FOXP2: variants seen among roughly 807,000 people sequenced by gnomAD.
FOXP2 encodes forkhead box P2.
Under a neutral mutation model 115.8 loss-of-function variants are expected in FOXP2, and 12 were observed. The observed-to-expected ratio is 0.10, with a 90% confidence interval of 0.07 to 0.17. The LOEUF (loss-of-function observed/expected upper bound fraction) is 0.17, where lower values mean the gene tolerates loss of function less well. Ranked by LOEUF, FOXP2 falls within the 10% of genes least tolerant of loss-of-function variation. The pLI is 1.00. For synonymous variants in FOXP2, 328 were observed against 297.7 expected, an observed-to-expected ratio of 1.10 and a Z score of -1.05; for missense variants, 629 against 843.5, an observed-to-expected ratio of 0.75 and a Z score of 3.15.
chr7:114,236,246 G>A (rs572597850), intron 1 of FOXP2, among the ~76,000 whole-genome samples: 11 of 152,290 alleles, frequency 7.2e-5, no homozygotes, highest in African/African-American at 2.4e-4. Flanking sequence ...CTTGCACAAT[G>A]TTTGTCAATT....
At chr7:114,381,313 G>C (rs560369377) in intron 2 of FOXP2, among the ~76,000 whole-genome samples, 1 of 152,314 alleles carries the variant, frequency 6.6e-6, no homozygotes, top group African/African-American at 2.4e-5. Flanking sequence ...TGTAGCCACA[G>C]GTAGTGAAGA....
At chr7:114,290,942 C>G (rs1243097687) in intron 2 of FOXP2, among the ~76,000 whole-genome samples, 2 of 151,992 alleles carry the variant, frequency 1.3e-5, no homozygotes, top group East Asian at 3.9e-4. Flanking sequence ...ATTTTATTTT[C>G]CATTATATTC....
In FOXP2 at chr7:114,663,436, A is replaced by AG; in HGVS notation, c.1770-14_1770-13insG. The AG allele has an allele frequency of 1.4e-6, 2 of 1,409,134 alleles. No homozygotes were observed. The highest frequency in any genetic ancestry group is 2.0e-6 in the Non-Finnish European group (2 of 1,009,324). 87.3% of individuals were successfully genotyped at this position (1,409,134 alleles called of 1,614,324 possible). A position where few individuals can be genotyped will look rare whatever the true frequency, so the allele number is the denominator to read the frequency against. On this transcript the variant is annotated splice_polypyrimidine_tract_variant and intron_variant, in intron 14 of 16. Coordinates refer to ENST00000350908, the MANE Select transcript of FOXP2 (RefSeq NM_014491.4). ...TTTGACGTATAAATGATCTTTATAT[A>AG]TTTTTTTTTTCAGAAGTCCAACCTT... is the stretch of plus-strand genomic sequence containing the variant.
At chr7:114,572,345 T>A (rs1451369193) in intron 3 of FOXP2, among the ~76,000 whole-genome samples, 1 of 151,732 alleles carries the variant, frequency 6.6e-6, no homozygotes, top group Non-Finnish European at 1.5e-5. Context: ...CTCATTCACT[T>A]TAATCCTATA....
intron 3 of FOXP2, among the ~76,000 whole-genome samples, chr7:114,615,263 C>A (rs572819692): frequency 6.6e-6 from 1 of 152,250 alleles, no homozygotes; most frequent in East Asian, 1.9e-4. Context: ...AATCCACATA[C>A]CCTTCCAGTT....
chr7:114,290,582 A>G (rs536165851), intron 2 of FOXP2, among the ~76,000 whole-genome samples: 5 of 152,082 alleles, frequency 3.3e-5, no homozygotes, highest in Non-Finnish European at 5.9e-5. Context: ...AAGTAAATGG[A>G]CTATGTAGGA....
In FOXP2 at chr7:114,252,499, C is replaced by T. The variant is rs1256693620; in HGVS notation, c.-101-35520C>T. Among the ~76,000 whole-genome samples the T allele has an allele frequency of 3.3e-5, 5 of 152,234 alleles. No homozygotes were observed. The East Asian group carries it at 9.7e-4, about 29-fold the overall frequency. On this transcript the variant is annotated intron_variant, in intron 1 of 17. Transcript: ENST00000634411. ...GTTATTGGTCTATTCAGAGATTCAA[C>T]TTCTTCCTGGTTTAGTCTTGGGAGG...
At chr7:114,219,943 T>A (rs1379582319) in intron 1 of FOXP2, among the ~76,000 whole-genome samples, 3 of 151,930 alleles carry the variant, frequency 2.0e-5, no homozygotes, top group Non-Finnish European at 4.4e-5. Context: ...CTCGGCTCAC[T>A]ACAACCTCCG....
rs10242500 is a variant in FOXP2, at chr7:114,092,922, G to A, written c.-247+5084G>A. 2.4e-3 allele frequency among the ~76,000 whole-genome samples: 366 copies of A among 152,098 alleles called. 2 individuals carry two copies. Among genetic ancestry groups the A allele is most frequent in the African/African-American group, 8.4e-3 (350 of 41,514 alleles). On this transcript the variant is annotated intron_variant, in intron 1 of 19. Transcript: ENST00000635638. The stretch of plus-strand genomic sequence containing the variant: ...TTGTTCTATACATATAGTTTGTACA[G>A]CCACTGCTACCAATCTGGCCAGATA...
rs113326921 is a variant in FOXP2, at chr7:114,310,955, C to T, written c.-11+22846C>T. On this transcript the variant is annotated intron_variant, in intron 2 of 17. Coordinates refer to the FOXP2 transcript ENST00000634411. Reference sequence around the variant, plus strand: ...TGAGCCTTTATATGTTGACATACTTCCAGGGTCTTGTGTTACTTCTCCCCG... The same window carrying T: ...TGAGCCTTTATATGTTGACATACTTTCAGGGTCTTGTGTTACTTCTCCCCG... 1.5e-3 allele frequency among the ~76,000 whole-genome samples: 228 copies of T among 152,222 alleles called. 4 individuals are homozygous for T. Among genetic ancestry groups the T allele is most frequent in the African/African-American group, 5.1e-3 (213 of 41,544 alleles).
At chr7:114,163,104 T>A (rs994697764) in intron 1 of FOXP2, 2 of 152,158 alleles carry the variant, frequency 1.3e-5, no homozygotes, top group Admixed American at 6.5e-5. Context: ...TCATCTGTAC[T>A]GTACATATTT....
chr7:114,454,079 G>A lies in FOXP2; in HGVS notation c.168+27400G>A, dbSNP rs1488050929. On this transcript the variant is annotated intron_variant, in intron 2 of 16. Coordinates refer to ENST00000350908, the MANE Select transcript of FOXP2 (RefSeq NM_014491.4). ...AAGAAACTACCATCAGAGTGAACAG[G>A]CAACCTACAAAATGGGAGAAAATTT... is the stretch of plus-strand genomic sequence containing the variant. 7.2e-3 allele frequency among the ~76,000 whole-genome samples: 1,077 copies of A among 150,402 alleles called. 12 individuals are homozygous for A. The highest frequency in any genetic ancestry group is 0.025 in the African/African-American group (1,014 of 41,136).
At chr7:114,159,099 A>G (rs1054784754), upstream of FOXP2, among the ~76,000 whole-genome samples, 1 of 152,182 alleles carries the variant, frequency 6.6e-6, no homozygotes, top group African/African-American at 2.4e-5. Context: ...AAGAATACAA[A>G]TTGGGACTAG....
intron 6 of FOXP2, among the ~76,000 whole-genome samples, chr7:114,632,017 G>T (rs1804950232): frequency 6.6e-6 from 1 of 152,200 alleles, no homozygotes; most frequent in Non-Finnish European, 1.5e-5. Flanking sequence ...AGGAGGATCT[G>T]CAGGGAATTG....
intron 1 of FOXP2, among the ~76,000 whole-genome samples, chr7:114,263,412 TTTTCCC>T (rs1281966281): frequency 6.6e-6 from 1 of 150,920 alleles, no homozygotes; most frequent in Non-Finnish European, 1.5e-5. Context: ...TCCTTTTTCC[TTTTCCC>T]TTTCCCTTTC....
At chr7:114,641,253 GAC>G (rs1220011640) in intron 6 of FOXP2, among the ~76,000 whole-genome samples, 1 of 152,236 alleles carries the variant, frequency 6.6e-6, no homozygotes, top group South Asian at 2.1e-4. Context: ...AATATACAAA[GAC>G]ACAGTACTAT....
chr7:114,155,831 T>C (rs140605847), intron 1 of FOXP2, among the ~76,000 whole-genome samples: 1 of 152,242 alleles, frequency 6.6e-6, no homozygotes, highest in African/African-American at 2.4e-5. Flanking sequence ...GAGGGCCAAG[T>C]GGGTGACTTA....
At chr7:114,615,611 T>G (rs962379153) in intron 3 of FOXP2, among the ~76,000 whole-genome samples, 3 of 152,212 alleles carry the variant, frequency 2.0e-5, no homozygotes, top group Non-Finnish European at 4.4e-5. Flanking sequence ...CTCCTCACTG[T>G]GCCTTCAAAT....
chr7:114,233,232 A>G (rs1210436649), intron 1 of FOXP2, among the ~76,000 whole-genome samples: 1 of 152,196 alleles, frequency 6.6e-6, no homozygotes, highest in Non-Finnish European at 1.5e-5. Context: ...TAACAACAAT[A>G]TTTTTACATG....
Sources: gnomAD v4.1 joint callset for allele counts (sites outside exome capture counted in the v4.1 genomes callset) on GRCh38, gnomAD v4.1.1 for gene constraint, MANE v1.5 for transcripts, NCBI Gene and HGNC (gene_info 2026-07-23, HGNC 2026-07-21) for gene names.